NPTN: variants seen among roughly 807,000 people sequenced by gnomAD.
NPTN encodes the protein neuroplastin, also known as SDR-1.
Under a neutral mutation model 42.7 loss-of-function variants are expected in NPTN, and 5 were observed. That is an observed-to-expected ratio of 0.12 (90% CI 0.06 to 0.25). The LOEUF (loss-of-function observed/expected upper bound fraction) is 0.25. Among genes scored for constraint, NPTN ranks in the 10% least tolerant of loss-of-function variants. The probability of loss-of-function intolerance (pLI) is 1.00; values close to 1 mark genes in which losing one functional copy is unlikely to be tolerated. For missense variants in NPTN, 307 were observed against 525.4 expected, an observed-to-expected ratio of 0.58 and a Z score of 4.06; for synonymous variants, 180 against 201.9, an observed-to-expected ratio of 0.89 and a Z score of 0.92.
rs556754754 is a variant in NPTN at position 73,579,223 on chromosome 15, A to T, written c.707-5428T>A. ...GAACCCAAGAGGTGGAGCTTGCAGT[A>T]AGCTGAGATCGCGCCACTGCACTCC... On this transcript the variant is annotated intron_variant, in intron 4 of 8. Coordinates refer to ENST00000345330, the MANE Select transcript of NPTN (RefSeq NM_012428.4). Among the ~76,000 whole-genome samples, 507 of 151,072 alleles carry T rather than the reference A, an allele frequency of 3.4e-3. 3 individuals carry two copies. The highest frequency in any genetic ancestry group is 5.4e-3 in the Non-Finnish European group (364 of 67,746).
chr15:73,562,566 G>T (rs1258925336), intron 7 of NPTN, among the ~76,000 whole-genome samples: 1 of 152,122 alleles, frequency 6.6e-6, no homozygotes, highest in Non-Finnish European at 1.5e-5. Flanking sequence ...ACAAATTTGG[G>T]TGCTGTTTGT....
intron 1 of NPTN, among the ~76,000 whole-genome samples, chr15:73,619,591 G>C (rs1898032887): frequency 6.6e-6 from 1 of 152,156 alleles, no homozygotes; most frequent in South Asian, 2.1e-4. Context: ...AAGCTAACCT[G>C]AAAGACCAAG....
At chr15:73,621,250 T>C (rs1215680307) in intron 1 of NPTN, among the ~76,000 whole-genome samples, 2 of 152,184 alleles carry the variant, frequency 1.3e-5, no homozygotes, top group Admixed American at 1.3e-4. Context: ...CCTTCCCTAG[T>C]AGAGAGGAAT....
At chr15:73,589,018 A>G (rs1896459137) in intron 3 of NPTN, among the ~76,000 whole-genome samples, 1 of 152,140 alleles carries the variant, frequency 6.6e-6, no homozygotes, top group South Asian at 2.1e-4. Flanking sequence ...AGTTAAGCAG[A>G]GTGACAGGAA....
At position 73,633,205 on chromosome 15, in the gene NPTN, G is replaced by A; in HGVS notation, c.11C>T (p.Ser4Leu). 1.3e-6 allele frequency: 2 copies of A among 1,526,176 alleles called. No homozygotes were observed. The highest frequency in any genetic ancestry group is 8.8e-7 in the Non-Finnish European group (1 of 1,141,806). 94.5% of individuals were successfully genotyped at this position (1,526,176 alleles called of 1,614,324 possible). Residue 4 changes from serine (S) to leucine (L), a missense_variant, in exon 1 of 9, where the codon TCG becomes TTG. Ser to Leu is a moderately radical substitution (Grantham distance 145). This residue lies in a region of NPTN where 43 missense variants were observed against 34.3 expected (regional missense o/e 1.25). Transcript: ENST00000345330. ...GAGGGCCAGGGCGCTGGGCAGCGACGAACCCGACATCCTCCCTAGCAGAAG... is the reference window on the plus strand; with the variant it reads ...GAGGGCCAGGGCGCTGGGCAGCGACAAACCCGACATCCTCCCTAGCAGAAG... MSG[S>L]SLPSALALSL...
At chr15:73,576,285 A>G (rs1313963243) in intron 4 of NPTN, among the ~76,000 whole-genome samples, 1 of 152,230 alleles carries the variant, frequency 6.6e-6, no homozygotes, top group Admixed American at 6.5e-5. Context: ...CGTGAAGAAA[A>G]TAAGGGAGTA....
chr15:73,620,635 A>T (rs1008573721), intron 1 of NPTN, among the ~76,000 whole-genome samples: 1 of 152,216 alleles, frequency 6.6e-6, no homozygotes, highest in African/African-American at 2.4e-5. Flanking sequence ...ACTCTGTTTT[A>T]AATATAACAC....
Position 73,570,608 on chromosome 15 carries a change from C to A in NPTN, c.841-185G>T, listed in dbSNP as rs1361859553. Among the ~76,000 whole-genome samples the A allele has an allele frequency of 6.6e-6, 1 of 152,218 alleles. No homozygotes were observed. The highest frequency in any genetic ancestry group is 1.5e-5 in the Non-Finnish European group (1 of 68,050). On this transcript the variant is annotated intron_variant, in intron 5 of 8. Coordinates refer to ENST00000345330, the MANE Select transcript of NPTN (RefSeq NM_012428.4). The surrounding 1 kb of genome is among the most constrained non-coding windows in gnomAD (Gnocchi z 4.0). ...CAAATCAACTTCTGACAGAGCCAGG[C>A]AAGCCTCCCTTACCATCGGTCCTCC...
In NPTN at chr15:73,627,107, C is replaced by T. The variant is rs181143677; in HGVS notation, c.91+6018G>A. On this transcript the variant is annotated intron_variant, in intron 1 of 8. Coordinates refer to ENST00000345330, the MANE Select transcript of NPTN (RefSeq NM_012428.4). ...AAAATTAGCTGAGTATGGTGGCTGG[C>T]GCCTGTAATCCCAGCTACTCAGGAA... 5.4e-3 allele frequency among the ~76,000 whole-genome samples: 816 copies of T among 152,182 alleles called. 5 individuals carry two copies. Among genetic ancestry groups the T allele is most frequent in the Middle Eastern group, 0.02 (6 of 294 alleles).
intron 6 of NPTN, 170 bp from the exon 7 acceptor site, chr15:73,563,427 GTTA>G: frequency 4.3e-6 from 6 of 1,397,756 alleles, no homozygotes; most frequent in Non-Finnish European, 2.8e-6. Context: ...CACTCATGGA[GTTA>G]TTATTTCTAG....
intron 1 of NPTN, among the ~76,000 whole-genome samples, chr15:73,625,444 C>T (rs1217735660): frequency 6.6e-6 from 1 of 152,070 alleles, no homozygotes; most frequent in Non-Finnish European, 1.5e-5. Context: ...CGCCATTCTC[C>T]TGCCTCAGCC....
intron 1 of NPTN, among the ~76,000 whole-genome samples, chr15:73,629,848 GA>G (rs199811026): frequency 1.8e-4 from 26 of 141,420 alleles, no homozygotes; most frequent in East Asian, 4.1e-4. Flanking sequence ...AGAAAAAAAA[GA>G]AAAAAAAAAG....
chr15:73,565,408 C>T (rs1316181977), intron 6 of NPTN, among the ~76,000 whole-genome samples: 1 of 152,164 alleles, frequency 6.6e-6, no homozygotes, highest in Non-Finnish European at 1.5e-5. Context: ...GATTAAACAG[C>T]AAACTGAAAT....
chr15:73,578,827 C>T (rs537735628), intron 4 of NPTN, among the ~76,000 whole-genome samples: 2 of 151,982 alleles, frequency 1.3e-5, no homozygotes, highest in African/African-American at 4.8e-5. Context: ...AACCTTGTCT[C>T]TACAAAAATA....
intron 1 of NPTN, among the ~76,000 whole-genome samples, chr15:73,623,252 T>A (rs1196678689): frequency 6.6e-6 from 1 of 152,210 alleles, no homozygotes; most frequent in Non-Finnish European, 1.5e-5. Context: ...TTCTGAAGGT[T>A]ATAGTAAGCA....
intron 5 of NPTN, among the ~76,000 whole-genome samples, chr15:73,572,224 T>C (rs1895443126): frequency 6.6e-6 from 1 of 152,194 alleles, no homozygotes; most frequent in African/African-American, 2.4e-5. Flanking sequence ...TTGCCACTAA[T>C]TTATCTTGGC....
chr15:73,610,588 G>C (rs770486915), intron 1 of NPTN, among the ~76,000 whole-genome samples: 2 of 152,086 alleles, frequency 1.3e-5, no homozygotes, highest in Non-Finnish European at 2.9e-5. Context: ...TCAGCCTAAA[G>C]CCCAAAGCTA....
Position 73,597,411 on chromosome 15 carries a change from G to GAAAA in NPTN, c.92-46_92-43dup. 3 of 1,017,656 alleles carry GAAAA rather than the reference G, an allele frequency of 2.9e-6. No individual in the cohort carries two copies. Among genetic ancestry groups the GAAAA allele is most frequent in the African/African-American group, 2.0e-5 (1 of 50,496 alleles). The allele number at this position is 1,017,656 out of a possible 1,614,324, so 63.0% of individuals were successfully genotyped here. ...CAGGAATGCAGTGACAGGCCAATCAGAAAAAAAAAAAAGAATCAACAGGTG... is the reference window on the plus strand; with the variant it reads ...CAGGAATGCAGTGACAGGCCAATCAGAAAAAAAAAAAAAAAAGAATCAACAGGTG... On this transcript the variant is annotated intron_variant, in intron 1 of 8. Transcript: ENST00000345330. The surrounding 1 kb of genome is among the most constrained non-coding windows in gnomAD (Gnocchi z 6.3).
chr15:73,629,233 G>A (rs114373103), intron 1 of NPTN, among the ~76,000 whole-genome samples: 1,545 of 152,290 alleles, frequency 0.01, 30 homozygotes, highest in African/African-American at 0.036. Context: ...GAGACTGAAA[G>A]CCTGTGATCT....
Sources: gnomAD v4.1 joint callset for allele counts (sites outside exome capture counted in the v4.1 genomes callset) on GRCh38, gnomAD v4.1.1 for gene constraint, gnomAD v4.1.1 regional missense constraint, Gnocchi (gnomAD v3.1) non-coding constraint, MANE v1.5 for transcripts, NCBI Gene and HGNC (gene_info 2026-07-23, HGNC 2026-07-21) for gene names.